Variants in SPOCK1 observed in about 807,000 individuals in gnomAD.
The protein encoded by SPOCK1 is SPARC (osteonectin), cwcv and kazal like domains proteoglycan 1.
SPOCK1 carries 23 observed loss-of-function variants against 55.3 expected under a neutral mutation model. The observed-to-expected ratio is 0.42, with a 90% CI of 0.30 to 0.59. The LOEUF is 0.59. Among genes scored for constraint, SPOCK1 ranks in the 20% least tolerant of loss-of-function variants. The pLI, the probability that SPOCK1 is intolerant of heterozygous loss-of-function variation, is 0.22. For missense variants in SPOCK1, 499 were observed against 552.5 expected (o/e 0.90, Z 0.97); for synonymous variants, 226 against 221.0 (o/e 1.02, Z -0.20).
chr5:137,118,599 G>A (rs1753633764), intron 4 of SPOCK1, among the ~76,000 whole-genome samples: 1 of 152,224 alleles, frequency 6.6e-6, no homozygotes, highest in South Asian at 2.1e-4. Context: ...CAGCAAGCAG[G>A]TGGCAAGACA....
At chr5:137,440,078 G>T (rs1752961381) in intron 2 of SPOCK1, among the ~76,000 whole-genome samples, 1 of 151,550 alleles carries the variant, frequency 6.6e-6, no homozygotes, top group South Asian at 2.1e-4. Context: ...AAAAGACTCT[G>T]CAGGGAGGGG....
At chr5:136,982,200 C>T (rs1193610356) in intron 9 of SPOCK1, among the ~76,000 whole-genome samples, 1 of 152,084 alleles carries the variant, frequency 6.6e-6, no homozygotes, top group African/African-American at 2.4e-5. Flanking sequence ...GTCTATAGAG[C>T]AACTGATGGC....
chr5:136,978,896 C>T, intron 10 of SPOCK1, 52 bp from the exon 11 acceptor site: 4 of 1,533,900 alleles, frequency 2.6e-6, no homozygotes, highest in Non-Finnish European at 3.5e-6. Context: ...ACCTCATGAC[C>T]CACGTCAGGG....
chr5:137,209,653 C>T (rs548698841), intron 3 of SPOCK1, among the ~76,000 whole-genome samples: 5 of 152,282 alleles, frequency 3.3e-5, no homozygotes, highest in East Asian at 1.9e-4. Flanking sequence ...CCTGAGAATT[C>T]GGTCTCAGCG....
At chr5:137,006,957 G>A (rs1393585337) in intron 6 of SPOCK1, among the ~76,000 whole-genome samples, 2 of 152,076 alleles carry the variant, frequency 1.3e-5, no homozygotes, top group East Asian at 1.9e-4. Flanking sequence ...GAGAAATCGT[G>A]GTTTTTGTCA....
At chr5:137,450,328 C>T (rs1753229258) in intron 2 of SPOCK1, among the ~76,000 whole-genome samples, 1 of 152,220 alleles carries the variant, frequency 6.6e-6, no homozygotes, top group South Asian at 2.1e-4. Context: ...CACTCAAAGA[C>T]TGCTGTGATT....
intron 2 of SPOCK1, among the ~76,000 whole-genome samples, chr5:137,315,895 G>T (rs1757871925): frequency 6.6e-6 from 1 of 152,184 alleles, no homozygotes; most frequent in African/African-American, 2.4e-5. Flanking sequence ...GGAGTTGGGG[G>T]CAGGGTGCTG....
chr5:137,260,118 G>A (rs1369145215), intron 3 of SPOCK1, among the ~76,000 whole-genome samples: 3 of 152,124 alleles, frequency 2.0e-5, no homozygotes, highest in Non-Finnish European at 4.4e-5. Flanking sequence ...AGAGATGGGT[G>A]AACTAAAGTC....
At chr5:137,031,214 G>A (rs1453143227) in intron 6 of SPOCK1, among the ~76,000 whole-genome samples, 2 of 152,062 alleles carry the variant, frequency 1.3e-5, no homozygotes, top group Non-Finnish European at 2.9e-5. Flanking sequence ...CAATACATCC[G>A]ATGCTTTCTA....
At chr5:137,138,706 C>A (rs961145111) in intron 4 of SPOCK1, among the ~76,000 whole-genome samples, 10 of 150,124 alleles carry the variant, frequency 6.7e-5, no homozygotes, top group Non-Finnish European at 8.9e-5. Context: ...TAATAACCCC[C>A]CCCCCCCAAA....
intron 6 of SPOCK1, among the ~76,000 whole-genome samples, chr5:137,035,212 G>C (rs1017129328): frequency 1.3e-5 from 2 of 152,236 alleles, no homozygotes; most frequent in African/African-American, 2.4e-5. Flanking sequence ...AGGAGGAGAG[G>C]GAGAAAGCAG....
rs532231318 is a variant in SPOCK1, at chr5:137,043,032, T to C, written c.589+24683A>G. On this transcript the variant is annotated intron_variant, in intron 6 of 10. Transcript: ENST00000394945. ...AACCAGGTCTGTTTGTGGAAGTTGC[T>C]GATTCTATGGCTGGGATACTAAATA... 2.6e-5 allele frequency among the ~76,000 whole-genome samples: 4 copies of C among 152,270 alleles called. No homozygotes were observed. In the East Asian group the frequency reaches 5.8e-4, roughly 22 times the overall value.
intron 2 of SPOCK1, among the ~76,000 whole-genome samples, chr5:137,276,284 C>A (rs537127621): frequency 1.1e-4 from 16 of 152,224 alleles, no homozygotes; most frequent in Non-Finnish European, 1.9e-4. Context: ...TCCTCCTTAC[C>A]CTTCTTTTGT....
chr5:137,105,977 C>T (rs147427160), intron 5 of SPOCK1, among the ~76,000 whole-genome samples: 1 of 152,252 alleles, frequency 6.6e-6, no homozygotes, highest in East Asian at 1.9e-4. Flanking sequence ...AGTGGTGGCG[C>T]TTAGTGGGCC....
chr5:137,427,321 T>G (rs930409176), intron 2 of SPOCK1, among the ~76,000 whole-genome samples: 1 of 152,190 alleles, frequency 6.6e-6, no homozygotes, highest in Non-Finnish European at 1.5e-5. Flanking sequence ...TTGATACTTT[T>G]ATGCTTGGGC....
intron 2 of SPOCK1, among the ~76,000 whole-genome samples, chr5:137,356,832 T>TAG (rs1264084655): frequency 1.1e-3 from 11 of 10,178 alleles, no homozygotes; most frequent in East Asian, 2.2e-3. Flanking sequence ...TATATATATA[T>TAG]ATATATAGAG....
intron 4 of SPOCK1, among the ~76,000 whole-genome samples, chr5:137,116,858 C>G (rs6886943): frequency 3.0e-3 from 459 of 152,246 alleles, no homozygotes; most frequent in African/African-American, 6.3e-3. Flanking sequence ...CATGTGCCAT[C>G]ATGTGGGTTT....
intron 6 of SPOCK1, among the ~76,000 whole-genome samples, chr5:137,006,368 T>G (rs1277353213): frequency 1.3e-5 from 2 of 152,218 alleles, no homozygotes; most frequent in African/African-American, 4.8e-5. Flanking sequence ...GTTTGTGTCC[T>G]CTCTTATTTC....
At chr5:137,230,783 G>C (rs1452579185) in intron 3 of SPOCK1, among the ~76,000 whole-genome samples, 2 of 108,742 alleles carry the variant, frequency 1.8e-5, no homozygotes, top group South Asian at 6.2e-4. Flanking sequence ...GCAGTTGTAA[G>C]AAATAATCCA....
Sources: allele counts gnomAD v4.1 joint callset (sites outside exome capture counted in the v4.1 genomes callset), GRCh38; gene constraint gnomAD v4.1.1; transcripts MANE v1.5; gene names NCBI Gene and HGNC (gene_info 2026-07-23, HGNC 2026-07-21).